Variants in AKAP19 observed in about 807,000 individuals in gnomAD.
AKAP19 encodes small A-kinase anchoring protein.
chr2:189,889,677 A>T, the AKAP19 span, among the ~76,000 whole-genome samples: 1 of 152,192 alleles, frequency 6.6e-6, no homozygotes, highest in Non-Finnish European at 1.5e-5. Context: ...GTGTCCAGGA[A>T]TTCATCCATT....
the AKAP19 span, among the ~76,000 whole-genome samples, chr2:190,126,317 A>AAAAAAAAG: frequency 7.0e-6 from 1 of 142,158 alleles, no homozygotes; most frequent in Non-Finnish European, 1.5e-5. Context: ...AAAAAAAAAA[A>AAAAAAAAG]AAAAAAAGGT....
chr2:189,936,225 T>C, the AKAP19 span, among the ~76,000 whole-genome samples: 1 of 151,494 alleles, frequency 6.6e-6, no homozygotes, highest in South Asian at 2.1e-4. Flanking sequence ...TTTTTGAATG[T>C]CATAGACTTG....
chr2:190,118,816 G>C, the AKAP19 span, among the ~76,000 whole-genome samples: 1 of 152,206 alleles, frequency 6.6e-6, no homozygotes, highest in African/African-American at 2.4e-5. Flanking sequence ...ACAAGACAGG[G>C]ATGCCCTTTC....
At chr2:189,933,062 A>T in the AKAP19 span, among the ~76,000 whole-genome samples, 1 of 152,212 alleles carries the variant, frequency 6.6e-6, no homozygotes. Context: ...ATTAATGTTT[A>T]ATTTGGGCAG....
chr2:189,965,938 A>ATATG, the AKAP19 span, among the ~76,000 whole-genome samples: 5 of 151,772 alleles, frequency 3.3e-5, no homozygotes, highest in African/African-American at 4.8e-5. Flanking sequence ...ATTGTGGTAT[A>ATATG]TATGTATGTA....
the AKAP19 span, chr2:190,202,842 A>G: frequency 6.0e-6 from 1 of 167,096 alleles, no homozygotes; most frequent in East Asian, 1.9e-4. Context: ...ACTTAACCCC[A>G]CAAACATGTT....
At chr2:189,893,325 T>C in the AKAP19 span, among the ~76,000 whole-genome samples, 1 of 152,192 alleles carries the variant, frequency 6.6e-6, no homozygotes, top group East Asian at 1.9e-4. Context: ...AGTTTTGTGC[T>C]TGAAACCCAG....
At chr2:189,963,165 C>T in the AKAP19 span, among the ~76,000 whole-genome samples, 1 of 150,864 alleles carries the variant, frequency 6.6e-6, no homozygotes. Flanking sequence ...CATGAGATTG[C>T]AGCAATTCAA....
the AKAP19 span, among the ~76,000 whole-genome samples, chr2:190,193,781 T>C: frequency 6.6e-6 from 1 of 152,308 alleles, no homozygotes; most frequent in South Asian, 2.1e-4. Flanking sequence ...TTCTGTTGTC[T>C]CTATCGTATG....
At chr2:189,948,211 AAATT>A in the AKAP19 span, among the ~76,000 whole-genome samples, 4 of 152,168 alleles carry the variant, frequency 2.6e-5, no homozygotes, top group African/African-American at 4.8e-5. Flanking sequence ...AATAAGAAAG[AAATT>A]AATTCATTTT....
chr2:189,939,023 C>T, the AKAP19 span, among the ~76,000 whole-genome samples: 1 of 152,170 alleles, frequency 6.6e-6, no homozygotes, highest in African/African-American at 2.4e-5. Context: ...GCTTCCCCAC[C>T]GTCTTGGGTT....
chr2:190,118,711 C>T, the AKAP19 span, among the ~76,000 whole-genome samples: 9 of 152,194 alleles, frequency 5.9e-5, no homozygotes, highest in Non-Finnish European at 8.8e-5. Flanking sequence ...ATTGATGGGA[C>T]TTATCTCAAA....
the AKAP19 span, among the ~76,000 whole-genome samples, chr2:189,920,717 C>T: frequency 6.6e-6 from 1 of 152,146 alleles, no homozygotes; most frequent in South Asian, 2.1e-4. Context: ...TTCAAATTCT[C>T]CAGCCCACAA....
the AKAP19 span, among the ~76,000 whole-genome samples, chr2:189,990,114 C>T: frequency 6.6e-6 from 1 of 152,140 alleles, no homozygotes; most frequent in South Asian, 2.1e-4. Context: ...AATCTGATTG[C>T]TTTAACATCT....
At chr2:190,186,022 G>C in the AKAP19 span, among the ~76,000 whole-genome samples, 1 of 152,138 alleles carries the variant, frequency 6.6e-6, no homozygotes, top group Non-Finnish European at 1.5e-5. This position sits in a 1 kb window ranked among gnomAD's most constrained non-coding sequence, Gnocchi z 5.5. Context: ...TGCGATCTTG[G>C]CTCTCTGCAA....
the AKAP19 span, among the ~76,000 whole-genome samples, chr2:190,091,697 G>A: frequency 7.9e-5 from 12 of 152,074 alleles, no homozygotes; most frequent in African/African-American, 2.9e-4. Context: ...GTTTGTACCA[G>A]AATATCCCTG....
the AKAP19 span, among the ~76,000 whole-genome samples, chr2:190,041,356 T>C: frequency 6.6e-6 from 1 of 152,156 alleles, no homozygotes; most frequent in Non-Finnish European, 1.5e-5. Context: ...GTGATTTTTG[T>C]ACATCAATTT....
the AKAP19 span, among the ~76,000 whole-genome samples, chr2:190,138,259 A>G: frequency 6.6e-6 from 1 of 152,242 alleles, no homozygotes; most frequent in Non-Finnish European, 1.5e-5. Context: ...CTAAGTTAAC[A>G]GAAGTGAAGC....
At chr2:189,913,797 A>T in the AKAP19 span, among the ~76,000 whole-genome samples, 1 of 152,128 alleles carries the variant, frequency 6.6e-6, no homozygotes, top group Non-Finnish European at 1.5e-5. Context: ...TTTTATGGAA[A>T]ACATCTGGGG....
Sources: gnomAD v4.1 joint callset for allele counts (sites outside exome capture counted in the v4.1 genomes callset) on GRCh38, gnomAD v4.1.1 for gene constraint, Gnocchi (gnomAD v3.1) non-coding constraint, MANE v1.5 for transcripts, NCBI Gene and HGNC (gene_info 2026-07-23, HGNC 2026-07-21) for gene names.